Variants in TENM3 observed in about 807,000 individuals in gnomAD.
The protein encoded by TENM3 is teneurin transmembrane protein 3.
In TENM3, 63 loss-of-function variants were observed where a neutral mutation model predicts 255.1. That is an observed-to-expected ratio of 0.25 (90% CI 0.20 to 0.30). The LOEUF is 0.30. TENM3 is among the 10% of genes least tolerant of loss of function. The pLI is 1.00. For missense variants in TENM3, 2,929 were observed against 3,461.1 expected (o/e 0.85, Z 3.86); for synonymous variants, 1,306 against 1,322.3 (o/e 0.99, Z 0.27).
chr4:182,784,336 G>T (rs1765436801), intron 24 of TENM3, among the ~76,000 whole-genome samples: 1 of 151,748 alleles, frequency 6.6e-6, no homozygotes, highest in African/African-American at 2.4e-5. Context: ...GTGTGCCCCT[G>T]CTGGGGGGTG....
At position 182,541,529 on chromosome 4, in the gene TENM3, C is replaced by T. The variant is rs574253229; in HGVS notation, c.512-59395C>T. 9.4e-4 allele frequency among the ~76,000 whole-genome samples: 143 copies of T among 152,298 alleles called. 1 individual carries two copies. Among genetic ancestry groups the T allele is most frequent in the Middle Eastern group, 6.8e-3 (2 of 294 alleles). The stretch of plus-strand genomic sequence containing the variant: ...TCAAGGGAAAAAAGTTAGATGAGAA[C>T]TTCTATTGAATCCATGCTATTTTAT... On this transcript the variant is annotated intron_variant, in intron 3 of 27. Transcript: ENST00000511685.
chr4:181,626,799 T>G, the TENM3 span, among the ~76,000 whole-genome samples: 3 of 152,162 alleles, frequency 2.0e-5, no homozygotes, highest in Non-Finnish European at 4.4e-5. Flanking sequence ...CGGGTTTGGA[T>G]TTGGAAAAGA....
chr4:182,790,017 TAA>T (rs1561256853), intron 25 of TENM3, among the ~76,000 whole-genome samples: 2 of 152,246 alleles, frequency 1.3e-5, no homozygotes, highest in East Asian at 3.9e-4. Flanking sequence ...TGCAAAATGC[TAA>T]GTTGTATGCT....
At position 182,799,921 on chromosome 4, in the gene TENM3, G is replaced by A; in HGVS notation, c.7670G>A (p.Ser2557Asn). ...TTCATCAAGACCACCACGCCCGAGA[G>A]CGACCTGGGCACGCTGCGGTTGACC... ...HYFIKTTTPESDLGTLRLTSG... is the reference protein window; with the variant it reads ...HYFIKTTTPENDLGTLRLTSG... Residue 2557 changes from serine to asparagine, a missense_variant, in exon 28 of 28, where the codon AGC becomes AAC. Transcript: ENST00000511685. This position sits in a 1 kb window ranked among gnomAD's most constrained non-coding sequence, Gnocchi z 4.2. 1 of 1,603,128 alleles carries A rather than the reference G, an allele frequency of 6.2e-7. No individual in the cohort carries two copies. The highest frequency in any genetic ancestry group is 8.5e-7 in the Non-Finnish European group (1 of 1,175,162).
chr4:181,697,941 A>G, the TENM3 span, among the ~76,000 whole-genome samples: 35 of 152,078 alleles, frequency 2.3e-4, no homozygotes, highest in Admixed American at 1.1e-3. Context: ...TTGGCCAGGC[A>G]TGGTGGCTCA....
chr4:182,525,021 C>A (rs1238651459), intron 3 of TENM3, among the ~76,000 whole-genome samples: 1 of 151,914 alleles, frequency 6.6e-6, no homozygotes, highest in Non-Finnish European at 1.5e-5. Flanking sequence ...CAGAGTGAGA[C>A]CCTGTCTCAA....
chr4:182,798,401 C>T (rs1193925840), intron 27 of TENM3, among the ~76,000 whole-genome samples: 2 of 152,162 alleles, frequency 1.3e-5, no homozygotes, highest in Admixed American at 6.5e-5. Context: ...ACAGTCACAC[C>T]GTATACAGGT....
intron 5 of TENM3, among the ~76,000 whole-genome samples, chr4:182,650,600 C>G (rs1333038979): frequency 2.0e-5 from 3 of 149,540 alleles, no homozygotes; most frequent in African/African-American, 7.3e-5. Flanking sequence ...TCCTTTCTCT[C>G]CTTCTTCTCG....
intron 22 of TENM3, among the ~76,000 whole-genome samples, chr4:182,765,661 T>C (rs539774891): frequency 2.0e-5 from 3 of 152,158 alleles, no homozygotes; most frequent in African/African-American, 7.2e-5. Flanking sequence ...TTGACACTCA[T>C]GAGATGAAAC....
intron 12 of TENM3, among the ~76,000 whole-genome samples, chr4:182,701,003 G>C (rs572352587): frequency 6.6e-6 from 1 of 151,954 alleles, no homozygotes; most frequent in South Asian, 2.1e-4. Flanking sequence ...CTTAGTGCAC[G>C]AGACAGGTTA....
At chr4:182,486,168 T>C (rs1040577569) in intron 3 of TENM3, among the ~76,000 whole-genome samples, 1 of 152,140 alleles carries the variant, frequency 6.6e-6, no homozygotes, top group Non-Finnish European at 1.5e-5. Flanking sequence ...ATTTGGACTT[T>C]ATCTGGAAGT....
intron 6 of TENM3, among the ~76,000 whole-genome samples, chr4:182,659,883 C>T (rs1345064413): frequency 6.6e-6 from 1 of 152,178 alleles, no homozygotes; most frequent in Non-Finnish European, 1.5e-5. Context: ...AACAATAGCA[C>T]ACAGAGACAA....
intron 3 of TENM3, among the ~76,000 whole-genome samples, chr4:182,458,301 C>T (rs1427698789): frequency 6.6e-6 from 1 of 152,296 alleles, no homozygotes; most frequent in Admixed American, 6.5e-5. Context: ...AATGTTTTTA[C>T]TATTAAAGGC....
chr4:182,787,370 C>T (rs1765751522), intron 24 of TENM3, among the ~76,000 whole-genome samples: 2 of 152,184 alleles, frequency 1.3e-5, no homozygotes, highest in African/African-American at 2.4e-5. Context: ...ACCACCACTC[C>T]GGACTATCTG....
chr4:182,535,542 C>G (rs1012179052), intron 3 of TENM3, among the ~76,000 whole-genome samples: 1 of 151,888 alleles, frequency 6.6e-6, no homozygotes. Flanking sequence ...GAAGACCATC[C>G]TGGGCAACAT....
the TENM3 span, among the ~76,000 whole-genome samples, chr4:181,843,371 C>T: frequency 6.6e-6 from 1 of 152,118 alleles, no homozygotes; most frequent in African/African-American, 2.4e-5. Context: ...GTAATATGTT[C>T]AATAACTCAT....
chr4:182,596,744 G>A (rs1032056565), intron 3 of TENM3, among the ~76,000 whole-genome samples: 1 of 152,128 alleles, frequency 6.6e-6, no homozygotes, highest in African/African-American at 2.4e-5. Context: ...CACCTTTAGA[G>A]TTCATTTCAA....
the TENM3 span, among the ~76,000 whole-genome samples, chr4:181,582,998 G>A: frequency 1.3e-5 from 2 of 152,162 alleles, no homozygotes; most frequent in Non-Finnish European, 2.9e-5. Context: ...ATATATAAAT[G>A]GACCTACCCA....
chr4:181,888,979 A>T, the TENM3 span, among the ~76,000 whole-genome samples: 11 of 151,912 alleles, frequency 7.2e-5, no homozygotes, highest in East Asian at 2.0e-3. Flanking sequence ...TCAAATGTTG[A>T]TCTCTTCCAG....
Sources: gnomAD v4.1 joint callset for allele counts (sites outside exome capture counted in the v4.1 genomes callset) on GRCh38, gnomAD v4.1.1 for gene constraint, Gnocchi (gnomAD v3.1) non-coding constraint, MANE v1.5 for transcripts, NCBI Gene and HGNC (gene_info 2026-07-23, HGNC 2026-07-21) for gene names.